MOB3B: variants seen among roughly 807,000 people sequenced by gnomAD.
MOB3B encodes the protein MOB kinase activator 3B.
MOB3B carries 7 observed loss-of-function variants against 18.7 expected under a neutral mutation model. The observed-to-expected ratio is 0.37, with a 90% CI of 0.21 to 0.70. MOB3B has a LOEUF of 0.70. Ranked by LOEUF, MOB3B falls within the 30% of genes least tolerant of loss-of-function variation. MOB3B has a pLI of 0.52. For missense variants in MOB3B, 253 were observed against 281.3 expected (o/e 0.90, Z 0.72); for synonymous variants, 111 against 99.9 (o/e 1.11, Z -0.66).
At chr9:27,473,689 C>T (rs1267601197) in intron 1 of MOB3B, among the ~76,000 whole-genome samples, 3 of 152,038 alleles carry the variant, frequency 2.0e-5, no homozygotes, top group African/African-American at 7.2e-5. Flanking sequence ...TCAGCTTCAT[C>T]AGAGGTCATG....
rs576489972 is a variant in MOB3B, at chr9:27,377,648, C to G, written c.419-18412G>C. 5.3e-5 allele frequency among the ~76,000 whole-genome samples: 8 copies of G among 152,276 alleles called. No individual in the cohort carries two copies. In the East Asian group the frequency reaches 1.5e-3, roughly 29 times the overall value. ...AACAAGTTCCCAGGTGAGGTTTATA[C>G]AAATCTGACCACACTTTTTATGCTA... On this transcript the variant is annotated intron_variant, in intron 2 of 3. Transcript: ENST00000262244.
intron 1 of MOB3B, among the ~76,000 whole-genome samples, chr9:27,466,346 C>A (rs894126240): frequency 6.6e-6 from 1 of 152,182 alleles, no homozygotes; most frequent in Non-Finnish European, 1.5e-5. Context: ...TCAGCCTGGA[C>A]CTTATTGTTC....
intron 1 of MOB3B, among the ~76,000 whole-genome samples, chr9:27,477,169 G>C (rs1477893950): frequency 2.0e-5 from 3 of 152,190 alleles, no homozygotes; most frequent in Non-Finnish European, 4.4e-5. Context: ...TTTTGAACAA[G>C]GAGCCCCACA....
At chr9:27,333,856 C>T (rs1192750654) in intron 3 of MOB3B, among the ~76,000 whole-genome samples, 1 of 152,206 alleles carries the variant, frequency 6.6e-6, no homozygotes, top group East Asian at 1.9e-4. Context: ...GCCCCCTGCT[C>T]ACCTCCTGCT....
intron 2 of MOB3B, among the ~76,000 whole-genome samples, chr9:27,402,935 C>G (rs1215434476): frequency 6.6e-6 from 1 of 152,208 alleles, no homozygotes; most frequent in Non-Finnish European, 1.5e-5. Context: ...TCCCATGGTA[C>G]TGTATATGGC....
rs141587993 is a variant in MOB3B, at chr9:27,516,932, A to G, written c.-199+12623T>C. ...TCAGACAATTCAAAGCAACTTGTCT[A>G]TAACAGAACTCACCAGTTGCTCCCC... On this transcript the variant is annotated intron_variant, in intron 1 of 3. Transcript: ENST00000262244. Among the ~76,000 whole-genome samples the G allele has an allele frequency of 2.8e-4, 43 of 152,306 alleles. No homozygotes were observed. The East Asian group carries it at 7.3e-3, about 26-fold the overall frequency.
At chr9:27,487,153 A>T (rs969561515) in intron 1 of MOB3B, among the ~76,000 whole-genome samples, 1 of 22,846 alleles carries the variant, frequency 4.4e-5, no homozygotes, top group Non-Finnish European at 2.5e-4. Context: ...ATAAATAAAT[A>T]AAATAAATAA....
intron 3 of MOB3B, among the ~76,000 whole-genome samples, chr9:27,343,346 G>T (rs996440358): frequency 1.3e-5 from 2 of 151,242 alleles, no homozygotes; most frequent in African/African-American, 4.9e-5. Flanking sequence ...GCGGAAGGCC[G>T]CGGGGTCCTC....
At chr9:27,429,124 C>T in intron 2 of MOB3B, among the ~76,000 whole-genome samples, 1 of 152,142 alleles carries the variant, frequency 6.6e-6, no homozygotes, top group Non-Finnish European at 1.5e-5. Context: ...AATGACATGA[C>T]ATAAAGGGAA....
At chr9:27,476,007 T>C (rs1182074785) in intron 1 of MOB3B, among the ~76,000 whole-genome samples, 1 of 152,184 alleles carries the variant, frequency 6.6e-6, no homozygotes, top group Non-Finnish European at 1.5e-5. Context: ...TGGCTTCCCA[T>C]CACACTCAGA....
chr9:27,382,721 T>C (rs1205121148), intron 2 of MOB3B, among the ~76,000 whole-genome samples: 2 of 148,314 alleles, frequency 1.3e-5, no homozygotes, highest in Non-Finnish European at 3.0e-5. Flanking sequence ...GAAGGTGATA[T>C]ATATATATAT....
intron 1 of MOB3B, chr9:27,525,085 C>G: frequency 2.5e-6 from 2 of 799,636 alleles, no homozygotes; most frequent in Non-Finnish European, 1.9e-6. Context: ...CTGGTAGCCT[C>G]GGAACATCAG....
chr9:27,498,290 C>A (rs769521854), intron 1 of MOB3B, among the ~76,000 whole-genome samples: 1 of 152,156 alleles, frequency 6.6e-6, no homozygotes, highest in East Asian at 1.9e-4. Context: ...TCAATCACAG[C>A]GTTTTCCAAG....
At chr9:27,358,744 G>A (rs112668121) in intron 3 of MOB3B, 1 of 595,800 alleles carries the variant, frequency 1.7e-6, no homozygotes, top group South Asian at 1.5e-5. Context: ...TCAATAAGTG[G>A]AAGAATGACT....
chr9:27,364,633 TCTC>T, intron 2 of MOB3B, among the ~76,000 whole-genome samples: 1 of 152,312 alleles, frequency 6.6e-6, no homozygotes, highest in African/African-American at 2.4e-5. Flanking sequence ...TGATGTAGTG[TCTC>T]CAAGCCTCAC....
chr9:27,403,560 T>C (rs1213535944), intron 2 of MOB3B, among the ~76,000 whole-genome samples: 1 of 130,974 alleles, frequency 7.6e-6, no homozygotes, highest in African/African-American at 2.9e-5. Flanking sequence ...AGAGACAGGG[T>C]CTTACCCTGC....
chr9:27,424,425 C>A (rs978666786), intron 2 of MOB3B, among the ~76,000 whole-genome samples: 1 of 152,156 alleles, frequency 6.6e-6, no homozygotes, highest in East Asian at 1.9e-4. Context: ...CAGGGCAGGT[C>A]CCCAGTGAGT....
chr9:27,500,566 T>C (rs567035652), intron 1 of MOB3B, among the ~76,000 whole-genome samples: 4 of 152,110 alleles, frequency 2.6e-5, no homozygotes, highest in Non-Finnish European at 5.9e-5. Context: ...TGAAACTGGA[T>C]CCCTTCCTTA....
At chr9:27,386,297 C>A (rs1237979538) in intron 2 of MOB3B, among the ~76,000 whole-genome samples, 2 of 152,154 alleles carry the variant, frequency 1.3e-5, no homozygotes, top group Non-Finnish European at 2.9e-5. Context: ...AAATGATAAG[C>A]ACATGGTAAG....
Sources: gnomAD v4.1 joint callset for allele counts (sites outside exome capture counted in the v4.1 genomes callset) on GRCh38, gnomAD v4.1.1 for gene constraint, MANE v1.5 for transcripts, NCBI Gene and HGNC (gene_info 2026-07-23, HGNC 2026-07-21) for gene names.